NEBL: variants seen among roughly 807,000 people sequenced by gnomAD.
NEBL encodes LIM and SH3 protein 2.
A neutral mutation model predicts 140.2 loss-of-function variants in NEBL; 122 were observed. The observed-to-expected ratio is 0.87, with a 90% confidence interval of 0.75 to 1.01. The LOEUF (loss-of-function observed/expected upper bound fraction) is 1.01. Among genes scored for constraint, NEBL ranks in the 50% least tolerant of loss-of-function variants. The pLI, the probability that NEBL is intolerant of heterozygous loss-of-function variation, is 0.00. For missense variants in NEBL, 1,365 were observed against 1,231.3 expected (o/e 1.11, Z -1.62); for synonymous variants, 436 against 398.9 (o/e 1.09, Z -1.11).
chr10:20,897,923 C>T (rs1283052138), upstream of NEBL, among the ~76,000 whole-genome samples: 10 of 152,148 alleles, frequency 6.6e-5, no homozygotes, highest in African/African-American at 2.4e-4. Flanking sequence ...TTGTAAACAT[C>T]ATTAAACATG....
At chr10:20,923,666 CA>C (rs71390799) in intron 4 of NEBL, among the ~76,000 whole-genome samples, 195 of 28,296 alleles carry the variant, frequency 6.9e-3, no homozygotes, top group African/African-American at 0.021. Flanking sequence ...GACTCCGTCT[CA>C]AAAAAAAAAA....
rs1564534613 is a variant in NEBL at position 21,169,070 on chromosome 10, ATATATATATATATAT to A, written c.164+3298_164+3312del. Reference sequence around the variant, plus strand: ...TCTACAAAAAAAAAAAAAAAAAAATATATATATATATATATATATATATATATATATATATATTTG... The same window carrying A: ...TCTACAAAAAAAAAAAAAAAAAAATAATATATATATATATATATATATTTG... On this transcript the variant is annotated intron_variant, in intron 2 of 6. Coordinates refer to the NEBL transcript ENST00000417816. Among the ~76,000 whole-genome samples, 55 of 44,208 alleles carry A rather than the reference ATATATATATATATAT, an allele frequency of 1.2e-3. 1 individual carries two copies. Among genetic ancestry groups the A allele is most frequent in the African/African-American group, 4.2e-3 (36 of 8,540 alleles). The allele number at this position is 44,208 out of a possible 152,430, so 29.0% of individuals were successfully genotyped here.
chr10:20,936,832 C>A (rs954520287), intron 4 of NEBL, among the ~76,000 whole-genome samples: 4 of 152,198 alleles, frequency 2.6e-5, no homozygotes, highest in Non-Finnish European at 5.9e-5. Flanking sequence ...CATCTCCCAC[C>A]TTATGAATAA....
At chr10:21,248,010 T>TA (rs34664249) in intron 2 of NEBL, 14,105 of 195,964 alleles carry the variant, frequency 0.072, 325 homozygotes, top group Middle Eastern at 0.15. Context: ...AAATTATGAT[T>TA]AAAAAAAAAA....
At chr10:21,142,666 G>A (rs1303372391) in intron 2 of NEBL, among the ~76,000 whole-genome samples, 2 of 152,126 alleles carry the variant, frequency 1.3e-5, no homozygotes, top group South Asian at 2.1e-4. Flanking sequence ...TATATCAGGG[G>A]CCCCCAACCC....
At chr10:21,207,910 C>T (rs1158418004) in intron 3 of NEBL, among the ~76,000 whole-genome samples, 1 of 152,166 alleles carries the variant, frequency 6.6e-6, no homozygotes, top group African/African-American at 2.4e-5. Flanking sequence ...TCTCTTATGA[C>T]AGATACTGTT....
intron 4 of NEBL, among the ~76,000 whole-genome samples, chr10:20,946,632 T>C (rs1446491527): frequency 6.6e-6 from 1 of 152,102 alleles, no homozygotes; most frequent in African/African-American, 2.4e-5. Context: ...CAGATAACAT[T>C]TGTATGTTTG....
intron 2 of NEBL, among the ~76,000 whole-genome samples, chr10:21,065,287 A>T (rs2131889452): frequency 6.6e-6 from 1 of 152,328 alleles, no homozygotes; most frequent in African/African-American, 2.4e-5. Context: ...TCTGATGAAC[A>T]CACTTTGTTT....
rs776589031 is a variant in NEBL at position 20,783,594 on chromosome 10, C to T, written c.*2153G>A. 1 of 152,366 alleles carries T rather than the reference C, an allele frequency of 6.6e-6. No individual in the cohort carries two copies. Among genetic ancestry groups the T allele is most frequent in the Non-Finnish European group, 1.5e-5 (1 of 68,016 alleles). The allele number at this position is 152,366 out of a possible 1,614,324, so 9.4% of individuals were successfully genotyped here. A position where few individuals can be genotyped will look rare whatever the true frequency, so the allele number is the denominator to read the frequency against. On this transcript the variant is annotated 3_prime_UTR_variant, in exon 28 of 28. Coordinates refer to ENST00000377122, the MANE Select transcript of NEBL (RefSeq NM_006393.3). ...CGGTTCTTATAAATGTGCTATTTATCCAAAATTGTACCTGTCCTATATTTA... is the reference window on the plus strand; with the variant it reads ...CGGTTCTTATAAATGTGCTATTTATTCAAAATTGTACCTGTCCTATATTTA...
chr10:21,090,140 G>C (rs1836842971), intron 2 of NEBL, among the ~76,000 whole-genome samples: 1 of 152,168 alleles, frequency 6.6e-6, no homozygotes, highest in Non-Finnish European at 1.5e-5. Flanking sequence ...GTCCTGTCCG[G>C]TTAGGCCAAG....
At chr10:21,073,121 G>T (rs1018419084) in intron 2 of NEBL, among the ~76,000 whole-genome samples, 6 of 152,178 alleles carry the variant, frequency 3.9e-5, no homozygotes, top group South Asian at 2.1e-4. Context: ...GAGAAGGCCT[G>T]CTAGGACCAC....
chr10:21,121,167 T>G (rs1367887070), intron 2 of NEBL, among the ~76,000 whole-genome samples: 1 of 152,176 alleles, frequency 6.6e-6, no homozygotes. Context: ...TTTCATTCCT[T>G]ATCTCAAATG....
intron 2 of NEBL, among the ~76,000 whole-genome samples, chr10:21,250,229 C>G (rs1380561409): frequency 6.6e-6 from 1 of 152,068 alleles, no homozygotes; most frequent in East Asian, 1.9e-4. Flanking sequence ...GCAGATGCAC[C>G]CTTAATCTGA....
At chr10:20,968,340 T>TAA (rs201526111) in intron 3 of NEBL, among the ~76,000 whole-genome samples, 2 of 139,888 alleles carry the variant, frequency 1.4e-5, no homozygotes, top group Admixed American at 7.2e-5. Flanking sequence ...CCCCATCTCT[T>TAA]AAAAAAAAAA....
chr10:21,081,078 C>A (rs561919598), intron 2 of NEBL, among the ~76,000 whole-genome samples: 16 of 152,248 alleles, frequency 1.1e-4, no homozygotes, highest in African/African-American at 3.6e-4. Flanking sequence ...TGGTCTCGAA[C>A]TCCTGACCTC....
chr10:20,901,583 G>GA (rs200103716), upstream of NEBL, among the ~76,000 whole-genome samples: 2 of 151,946 alleles, frequency 1.3e-5, no homozygotes, highest in African/African-American at 4.8e-5. Context: ...TGAGTGGGGG[G>GA]AAAAAAGTAC....
chr10:21,039,071 T>G lies in NEBL; in HGVS notation c.165-18870A>C, dbSNP rs577048895. Among the ~76,000 whole-genome samples, 1,069 of 146,634 alleles carry G rather than the reference T, an allele frequency of 7.3e-3. 34 individuals are homozygous for G. The East Asian group carries it at 0.087, about 12-fold the overall frequency. On this transcript the variant is annotated intron_variant, in intron 2 of 6. Coordinates refer to the NEBL transcript ENST00000417816. ...TTTTTGATGGGGCTGTTTTTTTTTT[T>G]TTTTTTTTTTTTTTTGTAAATTTGT...
At chr10:21,063,317 G>A (rs983395121) in intron 2 of NEBL, among the ~76,000 whole-genome samples, 17 of 152,106 alleles carry the variant, frequency 1.1e-4, no homozygotes, top group African/African-American at 3.9e-4. Flanking sequence ...CACCATCAAG[G>A]ACATGGGCTG....
chr10:21,157,742 G>C (rs1258314530), intron 2 of NEBL, among the ~76,000 whole-genome samples: 5 of 152,122 alleles, frequency 3.3e-5, no homozygotes, highest in Non-Finnish European at 7.3e-5. Flanking sequence ...AGTCCAAAAA[G>C]TGTGTTAGAG....
Sources: gnomAD v4.1 joint callset for allele counts (sites outside exome capture counted in the v4.1 genomes callset) on GRCh38, gnomAD v4.1.1 for gene constraint, MANE v1.5 for transcripts, NCBI Gene and HGNC (gene_info 2026-07-23, HGNC 2026-07-21) for gene names.